ASTN2: variants seen among roughly 807,000 people sequenced by gnomAD.
ASTN2 encodes astrotactin 2, also known as astrotactin-2.
ASTN2 carries 54 observed loss-of-function variants against 139.8 expected under a neutral mutation model. That is an observed-to-expected ratio of 0.39 (90% CI 0.31 to 0.48). The LOEUF is 0.48. Ranked by LOEUF, ASTN2 falls within the 20% of genes least tolerant of loss-of-function variation. The pLI is 0.95. For missense variants in ASTN2, 1,565 were observed against 1,725.1 expected (o/e 0.91, Z 1.64); for synonymous variants, 756 against 719.5 (o/e 1.05, Z -0.81).
rs79726420 is a variant in ASTN2, at chr9:116,760,495, C to A, written c.2397-26972G>T. On this transcript the variant is annotated intron_variant, in intron 13 of 22. Coordinates refer to ENST00000313400, the MANE Select transcript of ASTN2 (RefSeq NM_001365068.1). ...ACTGATGTAAGACCCTAACCTTAGA[C>A]GTGAAAGCCAGGCTGAGCAATTCAG... 6.1e-4 allele frequency among the ~76,000 whole-genome samples: 93 copies of A among 152,276 alleles called. No individual in the cohort carries two copies. The East Asian group carries it at 0.018, about 29-fold the overall frequency.
intron 20 of ASTN2, among the ~76,000 whole-genome samples, chr9:116,461,265 T>C (rs919285400): frequency 1.3e-5 from 2 of 151,854 alleles, no homozygotes; most frequent in African/African-American, 4.8e-5. Flanking sequence ...CCACTCCCAC[T>C]TGAATACAAA....
chr9:116,788,002 AT>A (rs1280036224), intron 13 of ASTN2, among the ~76,000 whole-genome samples: 1 of 152,210 alleles, frequency 6.6e-6, no homozygotes, highest in Non-Finnish European at 1.5e-5. Context: ...AAATAAAAAA[AT>A]ATATTTTTAA....
At chr9:116,796,573 G>C (rs1226357053) in intron 13 of ASTN2, among the ~76,000 whole-genome samples, 2 of 152,142 alleles carry the variant, frequency 1.3e-5, no homozygotes, top group South Asian at 4.1e-4. Context: ...GAATGGCCAA[G>C]GGTGATACAG....
chr9:117,005,077 T>A (rs1385408614), intron 7 of ASTN2, among the ~76,000 whole-genome samples: 4 of 129,996 alleles, frequency 3.1e-5, no homozygotes, highest in African/African-American at 1.2e-4. Flanking sequence ...GGACCTGTAG[T>A]CGATTTTTTT....
intron 10 of ASTN2, among the ~76,000 whole-genome samples, chr9:116,968,264 T>C (rs189287819): frequency 6.6e-6 from 1 of 152,308 alleles, no homozygotes; most frequent in Non-Finnish European, 1.5e-5. Flanking sequence ...CACAGTGAAG[T>C]ACCTGGTGTG....
intron 2 of ASTN2, among the ~76,000 whole-genome samples, chr9:117,243,961 C>T (rs1229279642): frequency 6.6e-6 from 1 of 152,134 alleles, no homozygotes; most frequent in Non-Finnish European, 1.5e-5. Flanking sequence ...CCCCACATGT[C>T]TAGGGAGAGA....
chr9:117,072,126 T>C (rs1011183941), intron 5 of ASTN2, among the ~76,000 whole-genome samples: 8 of 152,294 alleles, frequency 5.3e-5, no homozygotes, highest in Non-Finnish European at 1.0e-4. Context: ...TTCAAGTCCA[T>C]GCTCTTAAAC....
At chr9:116,934,475 T>C (rs1031138637) in intron 10 of ASTN2, among the ~76,000 whole-genome samples, 9 of 152,172 alleles carry the variant, frequency 5.9e-5, no homozygotes, top group African/African-American at 2.2e-4. Context: ...GATGGCCCTA[T>C]AGCAAAATGG....
intron 17 of ASTN2, among the ~76,000 whole-genome samples, chr9:116,621,002 C>T (rs1856115926): frequency 6.6e-6 from 1 of 152,162 alleles, no homozygotes. Flanking sequence ...GCCTTGTTCT[C>T]ACCCCTGGCC....
intron 1 of ASTN2, among the ~76,000 whole-genome samples, chr9:117,337,005 T>C (rs1429066173): frequency 6.6e-6 from 1 of 152,170 alleles, no homozygotes; most frequent in African/African-American, 2.4e-5. Flanking sequence ...AATAAATAAG[T>C]CACCTAACAT....
At chr9:116,887,732 A>G (rs917309397) in intron 10 of ASTN2, among the ~76,000 whole-genome samples, 2 of 152,104 alleles carry the variant, frequency 1.3e-5, no homozygotes, top group African/African-American at 4.8e-5. Context: ...CAATGGCATG[A>G]TCTTGGCTCA....
At chr9:116,971,308 C>G (rs764014897) in intron 10 of ASTN2, among the ~76,000 whole-genome samples, 1 of 152,166 alleles carries the variant, frequency 6.6e-6, no homozygotes, top group African/African-American at 2.4e-5. Flanking sequence ...TTATTTTGCC[C>G]TTCAACCCCT....
At chr9:117,171,660 AG>A (rs1171402669) in intron 3 of ASTN2, among the ~76,000 whole-genome samples, 1 of 151,984 alleles carries the variant, frequency 6.6e-6, no homozygotes, top group African/African-American at 2.4e-5. Flanking sequence ...TGGTTTTACA[AG>A]GGGCTCTTCC....
intron 2 of ASTN2, among the ~76,000 whole-genome samples, chr9:117,233,225 C>T (rs1253122803): frequency 6.6e-6 from 1 of 152,146 alleles, no homozygotes; most frequent in Non-Finnish European, 1.5e-5. Context: ...TCCAATTCCC[C>T]CAAGCGAGCA....
chr9:116,704,230 T>C (rs1052492526), intron 16 of ASTN2, among the ~76,000 whole-genome samples: 4 of 152,238 alleles, frequency 2.6e-5, no homozygotes, highest in African/African-American at 7.2e-5. Flanking sequence ...CTTCTAGCTC[T>C]AAGATTTTAA....
At chr9:117,405,296 T>G (rs1187386309) in intron 1 of ASTN2, among the ~76,000 whole-genome samples, 1 of 152,234 alleles carries the variant, frequency 6.6e-6, no homozygotes, top group Non-Finnish European at 1.5e-5. Flanking sequence ...GACCTGGATT[T>G]GGACTGAGCT....
At chr9:116,501,326 T>C (rs1309238810) in intron 19 of ASTN2, among the ~76,000 whole-genome samples, 4 of 152,218 alleles carry the variant, frequency 2.6e-5, no homozygotes, top group African/African-American at 7.2e-5. Context: ...TAGTATTCCA[T>C]GGTGTATATG....
intron 13 of ASTN2, among the ~76,000 whole-genome samples, chr9:116,805,175 G>A (rs1314089314): frequency 1.3e-5 from 2 of 151,832 alleles, no homozygotes; most frequent in Non-Finnish European, 2.9e-5. Flanking sequence ...GAGAGAAAGA[G>A]AGAAGTAGAA....
chr9:116,846,627 C>T (rs1426271051), intron 11 of ASTN2, among the ~76,000 whole-genome samples: 1 of 152,112 alleles, frequency 6.6e-6, no homozygotes, highest in Non-Finnish European at 1.5e-5. Context: ...TAGAGGAGTC[C>T]CACGTAATTA....
Sources: allele counts gnomAD v4.1 joint callset (sites outside exome capture counted in the v4.1 genomes callset), GRCh38; gene constraint gnomAD v4.1.1; transcripts MANE v1.5; gene names NCBI Gene and HGNC (gene_info 2026-07-23, HGNC 2026-07-21).